The following IPO13 variants were observed in gnomAD, a reference collection of about 807,000 sequenced individuals.
IPO13 encodes the protein importin 13, also known as importin-13.
A neutral mutation model predicts 115.5 loss-of-function variants in IPO13; 28 were observed. The ratio of observed to expected loss-of-function variants is 0.24; its 90% confidence interval spans 0.18 to 0.33. The LOEUF (loss-of-function observed/expected upper bound fraction) is 0.33. Ranked by LOEUF, IPO13 falls within the 10% of genes least tolerant of loss-of-function variation. The probability of loss-of-function intolerance (pLI) is 1.00; values close to 1 mark genes in which losing one functional copy is unlikely to be tolerated. For missense variants in IPO13, 785 were observed against 1,204.6 expected (o/e 0.65, Z 5.16); for synonymous variants, 414 against 478.9 (o/e 0.86, Z 1.77).
In IPO13 at chr1:43,949,761, G is replaced by A. The variant is rs371807246; in HGVS notation, c.429G>A (p.Val143=). ...SMMPDAWPCA[V]ADMVRLFQAE... The stretch of plus-strand genomic sequence containing the variant: ...TGCCTGACGCTTGGCCATGTGCTGT[G>A]GCAGATATGGTACGACTCTTCCAGG... Residue 143 remains valine (V), a synonymous_variant, in exon 2 of 20, where the codon GTG becomes GTA. Coordinates refer to ENST00000372343, the MANE Select transcript of IPO13 (RefSeq NM_014652.4). 2.5e-6 allele frequency: 4 copies of A among 1,614,068 alleles called. No individual in the cohort carries two copies. The African/African-American group carries it at 4.0e-5, about 16-fold the overall frequency.
chr1:43,965,071 C>T (rs1215964566), intron 15 of IPO13, among the ~76,000 whole-genome samples: 2 of 151,744 alleles, frequency 1.3e-5, no homozygotes, highest in Admixed American at 6.6e-5. Context: ...GGATTTAGAG[C>T]GTGGACGTGT....
chr1:43,967,397 T>G lies in IPO13; in HGVS notation c.2696T>G (p.Leu899Arg). The stretch of plus-strand genomic sequence containing the variant: ...GCCCTGAACAAGCACTGCTTCAGCC[T>G]CCTGAGCATGTGGATCAAGGAGGCC... ...LFALNKHCFS[L>R]LSMWIKEALQ... Residue 899 changes from leucine to arginine, a missense_variant, in exon 19 of 20, where the codon CTC becomes CGC. Transcript: ENST00000372343. The surrounding 1 kb of genome is among the most constrained non-coding windows in gnomAD (Gnocchi z 6.1). The G allele has an allele frequency of 6.2e-7, 1 of 1,614,158 alleles. No homozygotes were observed. Among genetic ancestry groups the G allele is most frequent in the South Asian group, 1.1e-5 (1 of 91,088 alleles).
rs767304687 is a variant in IPO13, at chr1:43,966,615, T to C, written c.2438T>C (p.Leu813Ser). The C allele has an allele frequency of 1.2e-6, 2 of 1,614,164 alleles. No individual in the cohort carries two copies. Among genetic ancestry groups the C allele is most frequent in the Non-Finnish European group, 1.7e-6 (2 of 1,180,002 alleles). ...RKPDLFLCERLDVKAVFQCAV... is the reference protein window; with the variant it reads ...RKPDLFLCERSDVKAVFQCAV... ...CCAGATTTGTTCCTGTGTGAACGAT[T>C]GGATGTCAAAGCTGTGTTCCAGTGT... The change falls in exon 16 of 20, where the codon TTG becomes TCG. Residue 813 changes from leucine to serine, a missense_variant. Coordinates refer to ENST00000372343, the MANE Select transcript of IPO13 (RefSeq NM_014652.4). This position sits in a 1 kb window ranked among gnomAD's most constrained non-coding sequence, Gnocchi z 4.1.
chr1:43,957,894 A>T, intron 7 of IPO13, 83 bp from the exon 8 acceptor site: 1 of 1,356,408 alleles, frequency 7.4e-7, no homozygotes, highest in Non-Finnish European at 1.0e-6. Flanking sequence ...TGACCCTGCC[A>T]GGAACTCTGC....
Position 43,968,017 on chromosome 1 carries a change from C to T in IPO13, c.*335C>T, listed in dbSNP as rs758731621. The T allele has an allele frequency of 2.4e-6, 1 of 417,300 alleles. No individual in the cohort carries two copies. The highest frequency in any genetic ancestry group is 4.4e-6 in the Non-Finnish European group (1 of 226,070). 25.8% of individuals were successfully genotyped at this position (417,300 alleles called of 1,614,324 possible). ...CCCATCCCCATTAAATTAATCCCAACATGCATGTATGCATACATTTATTTA... is the reference window on the plus strand; with the variant it reads ...CCCATCCCCATTAAATTAATCCCAATATGCATGTATGCATACATTTATTTA... On this transcript the variant is annotated 3_prime_UTR_variant, in exon 20 of 20. Transcript: ENST00000372343.
chr1:43,960,388 A>G lies in IPO13; in HGVS notation c.2109+59A>G. 13 of 1,421,338 alleles carry G rather than the reference A, an allele frequency of 9.1e-6. No individual in the cohort carries two copies. In the South Asian group the frequency reaches 1.5e-4, roughly 16 times the overall value. 88.0% of individuals were successfully genotyped at this position (1,421,338 alleles called of 1,614,324 possible). ...TGACTGCTCAGAGGTGTAGCAGGGT[A>G]AGATGTTACTGCCACACTTCAGCTT... On this transcript the variant is annotated intron_variant, in intron 12 of 19. Transcript: ENST00000372343.
rs1269171070 is a variant in IPO13, at chr1:43,967,012, T to C, written c.2606T>C (p.Val869Ala). 6 of 1,613,588 alleles carry C rather than the reference T, an allele frequency of 3.7e-6. No individual in the cohort carries two copies. The highest frequency in any genetic ancestry group is 3.3e-4 in the Middle Eastern group (2 of 6,058). The change falls in exon 18 of 20, where the codon GTG (valine) becomes GCG (alanine). Residue 869 changes from valine to alanine, a missense_variant. Val to Ala is a moderately conservative substitution (Grantham distance 64, BLOSUM62 0). Transcript: ENST00000372343. This position sits in a 1 kb window ranked among gnomAD's most constrained non-coding sequence, Gnocchi z 6.1. ...GACGGTCGTATGCTGCTCATAGCAG[T>C]GCTGGAGGTGAGACGGAGCAAAGGG... ...QEDGRMLLIAVLEAIGGQASR... is the reference protein window; with the variant it reads ...QEDGRMLLIAALEAIGGQASR...
Position 43,960,886 on chromosome 1 carries a change from C to G in IPO13, c.2120C>G (p.Ala707Gly), listed in dbSNP as rs1359199257. ...NDAQVVEAVC[A>G]IFEKSVKTLL... is the part of the protein sequence containing the mutation. The stretch of plus-strand genomic sequence containing the variant: ...TGCTTTCTTCCCAAGGCGGTGTGCG[C>G]TATCTTTGAGAAGTCTGTTAAGACG... Residue 707 changes from alanine (A) to glycine (G), a missense_variant, in exon 13 of 20, where the codon GCT becomes GGT. By Grantham distance (60) the Ala-to-Gly change is moderately conservative. Transcript: ENST00000372343. 1 of 1,614,180 alleles carries G rather than the reference C, an allele frequency of 6.2e-7. No individual in the cohort carries two copies. Among genetic ancestry groups the G allele is most frequent in the Non-Finnish European group, 8.5e-7 (1 of 1,180,038 alleles).
intron 15 of IPO13, among the ~76,000 whole-genome samples, chr1:43,965,427 G>A (rs908841229): frequency 6.7e-6 from 1 of 150,034 alleles, no homozygotes; most frequent in African/African-American, 2.4e-5. Flanking sequence ...GTTTCTGGGG[G>A]ATGGGTAGGG....
Position 43,961,006 on chromosome 1 carries a change from C to T in IPO13, c.2240C>T (p.Thr747Ile), listed in dbSNP as rs1159574654. The part of the protein sequence containing the change: ...TIPQASALDL[T>I]RQLVHIFAHE... ...CCCCAGGCCTCTGCTCTTGACCTCA[C>T]TCGACAGGTGGGCCTTCTGGTTGGG... The change falls in exon 13 of 20, where the codon ACT becomes ATT. Residue 747 changes from threonine to isoleucine, a missense_variant. Physicochemically the swap from Thr to Ile is moderately conservative, Grantham distance 89. Around this residue, in one of 3 missense-constraint regions of IPO13, gnomAD observed 285 missense variants for 394.8 expected, o/e 0.72. Coordinates refer to ENST00000372343, the MANE Select transcript of IPO13 (RefSeq NM_014652.4). The T allele has an allele frequency of 1.2e-5, 20 of 1,614,024 alleles. No homozygotes were observed. The highest frequency in any genetic ancestry group is 1.6e-5 in the Non-Finnish European group (19 of 1,179,984).
At chr1:43,960,808 GCAGGGCTT>G in intron 12 of IPO13, 60 bp from the exon 13 acceptor site, 1 of 1,589,324 alleles carries the variant, frequency 6.3e-7, no homozygotes, top group South Asian at 1.1e-5. Context: ...CCCCCTCTGT[GCAGGGCTT>G]CAGCGCTGTT....
In IPO13 at chr1:43,958,193, A is replaced by C; in HGVS notation, c.1722+35A>C. ...GGCCCTGGATGGTGCTGGGCCTCAG[A>C]GCACACTCTGCACTGTGCTGATACT... is the stretch of plus-strand genomic sequence containing the variant. On this transcript the variant is annotated intron_variant, in intron 8 of 19. Coordinates refer to ENST00000372343, the MANE Select transcript of IPO13 (RefSeq NM_014652.4). The surrounding 1 kb of genome is among the most constrained non-coding windows in gnomAD (Gnocchi z 6.3). 6.2e-7 allele frequency: 1 copy of C among 1,614,096 alleles called. No individual in the cohort carries two copies.
chr1:43,965,226 C>G (rs971270254), intron 15 of IPO13, among the ~76,000 whole-genome samples: 2 of 151,968 alleles, frequency 1.3e-5, no homozygotes, highest in African/African-American at 4.8e-5. Context: ...ATGGGGGCTT[C>G]TGTGTGTTAG....
At position 43,949,904 on chromosome 1, in the gene IPO13, G is replaced by C; in HGVS notation, c.572G>C (p.Arg191Pro). The C allele has an allele frequency of 6.2e-7, 1 of 1,610,538 alleles. No individual in the cohort carries two copies. The highest frequency in any genetic ancestry group is 1.7e-5 in the Admixed American group (1 of 59,958). Residue 191 changes from arginine (R) to proline (P), a missense_variant, in exon 2 of 20, where the codon CGG (arginine) becomes CCG (proline). Arg to Pro is a moderately radical substitution (Grantham distance 103, BLOSUM62 -2). Transcript: ENST00000372343. ...RLPQYRKGLV[R>P]TSLAVECGAV... ...CCCCAGTACCGCAAAGGCCTGGTGCGGACCAGCCTGGCGGTGGAATGTGGG... is the reference window on the plus strand; with the variant it reads ...CCCCAGTACCGCAAAGGCCTGGTGCCGACCAGCCTGGCGGTGGAATGTGGG...
rs2085308076 is a variant in IPO13 at position 43,964,306 on chromosome 1, G to A, written c.2382G>A (p.Met794Ile). Reference sequence around the variant, plus strand: ...ATCCTGATATTGTTGATTCATTTATGCAACTCCTGGCACAGGTGTGTTTTA... The same window carrying A: ...ATCCTGATATTGTTGATTCATTTATACAACTCCTGGCACAGGTGTGTTTTA... ...RDHPDIVDSF[M>I]QLLAQALKRK... The change falls in exon 15 of 20, where the codon ATG (methionine) becomes ATA (isoleucine). Residue 794 changes from methionine to isoleucine, a missense_variant. Around this residue, in one of 3 missense-constraint regions of IPO13, gnomAD observed 285 missense variants for 394.8 expected, o/e 0.72. Coordinates refer to ENST00000372343, the MANE Select transcript of IPO13 (RefSeq NM_014652.4). The A allele has an allele frequency of 6.2e-7, 1 of 1,607,322 alleles. No homozygotes were observed. Among genetic ancestry groups the A allele is most frequent in the African/African-American group, 1.3e-5 (1 of 74,776 alleles).
In IPO13 at chr1:43,958,203, G is replaced by T. The variant is rs754491068; in HGVS notation, c.1723-39G>T. The T allele has an allele frequency of 3.1e-6, 5 of 1,613,116 alleles. No individual in the cohort carries two copies. The highest frequency in any genetic ancestry group is 4.5e-5 in the East Asian group (2 of 44,874). ...GGTGCTGGGCCTCAGAGCACACTCT[G>T]CACTGTGCTGATACTACATTCCTTC... is the stretch of plus-strand genomic sequence containing the variant. On this transcript the variant is annotated intron_variant, in intron 8 of 19. Transcript: ENST00000372343. The surrounding 1 kb of genome is among the most constrained non-coding windows in gnomAD (Gnocchi z 6.3).
At position 43,966,519 on chromosome 1, in the gene IPO13, G is replaced by A. The variant is rs752282693; in HGVS notation, c.2398-56G>A. The A allele has an allele frequency of 6.4e-7, 1 of 1,568,462 alleles. No individual in the cohort carries two copies. The highest frequency in any genetic ancestry group is 1.7e-5 in the Admixed American group (1 of 59,784). On this transcript the variant is annotated intron_variant, in intron 15 of 19. Coordinates refer to ENST00000372343, the MANE Select transcript of IPO13 (RefSeq NM_014652.4). The surrounding 1 kb of genome is among the most constrained non-coding windows in gnomAD (Gnocchi z 4.1). ...GGGGGCTGGGGTGGCAGGTGAGTGG[G>A]GGGGATGGTCCTTGGAGCTGGCTGG... is the stretch of plus-strand genomic sequence containing the variant.
Position 43,967,726 on chromosome 1 carries a change from A to G in IPO13, c.*44A>G, listed in dbSNP as rs373314971. On this transcript the variant is annotated 3_prime_UTR_variant, in exon 20 of 20. Transcript: ENST00000372343. The surrounding 1 kb of genome is among the most constrained non-coding windows in gnomAD (Gnocchi z 6.1). ...CCACCCCTTCTCTTCATCCTTCCCT[A>G]TTCCCAAAGAGTAAACCTGGACCCT... The G allele has an allele frequency of 7.6e-5, 119 of 1,561,650 alleles. No individual in the cohort carries two copies. Among genetic ancestry groups the G allele is most frequent in the Middle Eastern group, 1.7e-4 (1 of 5,908 alleles).
Position 43,956,829 on chromosome 1 carries a change from A to C in IPO13, c.1124A>C (p.Glu375Ala). 1 of 1,614,232 alleles carries C rather than the reference A, an allele frequency of 6.2e-7. No individual in the cohort carries two copies. Among genetic ancestry groups the C allele is most frequent in the Non-Finnish European group, 8.5e-7 (1 of 1,180,040 alleles). ...YTLQDDILSFEAEKQAVYQQV... is the reference protein window; with the variant it reads ...YTLQDDILSFAAEKQAVYQQV... Reference sequence around the variant, plus strand: ...TCTCAGGATGATATTCTATCCTTTGAGGCAGAGAAGCAGGCTGTATACCAG... The same window carrying C: ...TCTCAGGATGATATTCTATCCTTTGCGGCAGAGAAGCAGGCTGTATACCAG... The change falls in exon 5 of 20, where the codon GAG becomes GCG. Residue 375 changes from glutamate to alanine, a missense_variant. Glu to Ala is a moderately radical substitution (Grantham distance 107). Transcript: ENST00000372343. This position sits in a 1 kb window ranked among gnomAD's most constrained non-coding sequence, Gnocchi z 4.7.
Sources: allele counts gnomAD v4.1 joint callset (sites outside exome capture counted in the v4.1 genomes callset), GRCh38; gene constraint gnomAD v4.1.1; regional missense constraint gnomAD v4.1.1; non-coding constraint Gnocchi (gnomAD v3.1); transcripts MANE v1.5; gene names NCBI Gene and HGNC (gene_info 2026-07-23, HGNC 2026-07-21).